Variants in NPR3 observed in about 807,000 individuals in gnomAD.
NPR3 encodes natriuretic peptide receptor 3.
A neutral mutation model predicts 54.5 loss-of-function variants in NPR3; 34 were observed. That is an observed-to-expected ratio of 0.62 (90% confidence interval 0.47 to 0.83). The LOEUF is 0.83. Ranked by LOEUF, NPR3 falls within the 40% of genes least tolerant of loss-of-function variation. The pLI is 0.00. For missense variants in NPR3, 674 were observed against 720.8 expected (o/e 0.94, Z 0.74); for synonymous variants, 289 against 297.1 (o/e 0.97, Z 0.28).
chr5:32,702,192 A>T (rs1561068231), intron 1 of NPR3, among the ~76,000 whole-genome samples: 1 of 152,142 alleles, frequency 6.6e-6, no homozygotes, highest in Non-Finnish European at 1.5e-5. Context: ...AAACCTTAGG[A>T]TCTACCTGGC....
chr5:32,700,196 G>T (rs1740631998), intron 1 of NPR3, among the ~76,000 whole-genome samples: 1 of 151,868 alleles, frequency 6.6e-6, no homozygotes, highest in South Asian at 2.1e-4. Flanking sequence ...AAATCTGCTT[G>T]GTGTTCTATA....
chr5:32,770,248 G>T, intron 3 of NPR3, among the ~76,000 whole-genome samples: 1 of 151,710 alleles, frequency 6.6e-6, no homozygotes, highest in Non-Finnish European at 1.5e-5. Flanking sequence ...TGGGCAACAT[G>T]GTGAAACCAC....
intron 2 of NPR3, among the ~76,000 whole-genome samples, chr5:32,734,180 T>C (rs1158684067): frequency 6.6e-6 from 1 of 152,104 alleles, no homozygotes; most frequent in Non-Finnish European, 1.5e-5. Flanking sequence ...CATGTGACAG[T>C]GGGTCGTTTG....
chr5:32,749,605 G>T (rs139531523), intron 3 of NPR3, among the ~76,000 whole-genome samples: 2,799 of 152,290 alleles, frequency 0.018, 41 homozygotes, highest in Middle Eastern at 0.037. Context: ...ATCTTAGGTT[G>T]TTCAGTTTCA....
rs200834122 is a variant in NPR3, at chr5:32,763,461, C to T, written c.1060-11247C>T. On this transcript the variant is annotated intron_variant, in intron 3 of 7. Transcript: ENST00000265074. ...CTTCATTCTCCCTAGTAGCAATGGC[C>T]ACCTCGCTCAGCTAATTTTTTTTTT... is the stretch of plus-strand genomic sequence containing the variant. Among the ~76,000 whole-genome samples the T allele has an allele frequency of 4.0e-5, 6 of 151,076 alleles. No homozygotes were observed. In the South Asian group the frequency reaches 8.5e-4, roughly 21 times the overall value.
intron 2 of NPR3, among the ~76,000 whole-genome samples, chr5:32,731,907 A>G (rs769232425): frequency 2.0e-5 from 3 of 152,086 alleles, no homozygotes; most frequent in Non-Finnish European, 2.9e-5. Context: ...CAGGAGTCCA[A>G]GCTGGTTCTG....
chr5:32,722,664 C>T (rs1297896816), intron 1 of NPR3, among the ~76,000 whole-genome samples: 4 of 152,184 alleles, frequency 2.6e-5, no homozygotes, highest in Non-Finnish European at 5.9e-5. Context: ...GAGACATCCA[C>T]TCTTGGAATC....
intron 3 of NPR3, among the ~76,000 whole-genome samples, chr5:32,771,680 C>T (rs147884338): frequency 4.6e-5 from 7 of 152,144 alleles, no homozygotes; most frequent in South Asian, 4.2e-4. Flanking sequence ...GGGTGATGCC[C>T]GGTGGCTGGT....
intron 1 of NPR3, among the ~76,000 whole-genome samples, chr5:32,704,176 C>T (rs1442610114): frequency 1.3e-5 from 2 of 152,182 alleles, no homozygotes; most frequent in African/African-American, 4.8e-5. Flanking sequence ...TCATTGCACT[C>T]TGTCTCTCAA....
Position 32,769,434 on chromosome 5 carries a change from T to C in NPR3, c.1060-5274T>C, listed in dbSNP as rs543553757. 3.9e-5 allele frequency among the ~76,000 whole-genome samples: 6 copies of C among 152,280 alleles called. No homozygotes were observed. In the South Asian group the frequency reaches 1.2e-3, roughly 32 times the overall value. ...AAGGTGGTCCAGCCATTGTTCACTATGATGAGGGACAAGCCTATGATGGGC... is the reference window on the plus strand; with the variant it reads ...AAGGTGGTCCAGCCATTGTTCACTACGATGAGGGACAAGCCTATGATGGGC... On this transcript the variant is annotated intron_variant, in intron 3 of 7. Coordinates refer to ENST00000265074, the MANE Select transcript of NPR3 (RefSeq NM_001204375.2).
intron 2 of NPR3, among the ~76,000 whole-genome samples, chr5:32,728,829 G>GTATA (rs1456034881): frequency 8.4e-4 from 64 of 76,132 alleles, no homozygotes; most frequent in East Asian, 1.2e-3. Context: ...GTGTGTGTGT[G>GTATA]TGTGTGTGTA....
At position 32,756,792 on chromosome 5, in the gene NPR3, G is replaced by A. The variant is rs532524535; in HGVS notation, c.1059+17762G>A. ...AATTAATTTTTGTATAAGGTGTAAG[G>A]AAGTGATCCAGTTTCAGCTTTCTAC... On this transcript the variant is annotated intron_variant, in intron 3 of 7. Coordinates refer to ENST00000265074, the MANE Select transcript of NPR3 (RefSeq NM_001204375.2). Among the ~76,000 whole-genome samples the A allele has an allele frequency of 7.2e-5, 11 of 152,308 alleles. No individual in the cohort carries two copies. In the South Asian group the frequency reaches 2.3e-3, roughly 32 times the overall value.
chr5:32,707,996 T>TA (rs58410343), upstream of NPR3, among the ~76,000 whole-genome samples: 573 of 131,448 alleles, frequency 4.4e-3, 2 homozygotes, highest in Middle Eastern at 0.042. Context: ...GTAGTAGCTT[T>TA]AAAAAAAAAA....
chr5:32,772,773 A>C (rs887948456), intron 3 of NPR3, among the ~76,000 whole-genome samples: 3 of 150,688 alleles, frequency 2.0e-5, no homozygotes, highest in Admixed American at 1.3e-4. Context: ...AGTCTTCTAC[A>C]TTTATTAATT....
intron 3 of NPR3, among the ~76,000 whole-genome samples, chr5:32,753,727 G>GA (rs2111989078): frequency 6.6e-6 from 1 of 150,482 alleles, no homozygotes; most frequent in African/African-American, 2.5e-5. Context: ...GCATTTAAAG[G>GA]AGGAACCTGG....
chr5:32,766,943 A>G (rs909219880), intron 3 of NPR3, among the ~76,000 whole-genome samples: 3 of 152,202 alleles, frequency 2.0e-5, no homozygotes, highest in African/African-American at 7.2e-5. Flanking sequence ...AGGGACAATT[A>G]GCTTGTTGTC....
In NPR3 at chr5:32,784,897, G is replaced by A. The variant is rs1296236284; in HGVS notation, c.1514+14G>A. ...CTACTTTTTCAGGTGAGGACGGTTTGTAAAGGTACAATTCACTCTCTTCTG... is the reference window on the plus strand; with the variant it reads ...CTACTTTTTCAGGTGAGGACGGTTTATAAAGGTACAATTCACTCTCTTCTG... On this transcript the variant is annotated intron_variant, in intron 7 of 7. Transcript: ENST00000265074. 3.8e-6 allele frequency: 6 copies of A among 1,583,078 alleles called. No homozygotes were observed. The highest frequency in any genetic ancestry group is 5.2e-6 in the Non-Finnish European group (6 of 1,151,994).
chr5:32,741,171 C>A (rs1436452639), intron 3 of NPR3, among the ~76,000 whole-genome samples: 1 of 152,032 alleles, frequency 6.6e-6, no homozygotes, highest in Non-Finnish European at 1.5e-5. Context: ...GTAATCCCAG[C>A]ACTTTGGGAG....
intron 1 of NPR3, among the ~76,000 whole-genome samples, chr5:32,700,290 C>T (rs1019915343): frequency 6.6e-5 from 10 of 152,160 alleles, no homozygotes; most frequent in African/African-American, 1.9e-4. Flanking sequence ...CTTTCTGCTG[C>T]GTCACTCTCT....
Sources: gnomAD v4.1 joint callset for allele counts (sites outside exome capture counted in the v4.1 genomes callset) on GRCh38, gnomAD v4.1.1 for gene constraint, MANE v1.5 for transcripts, NCBI Gene and HGNC (gene_info 2026-07-23, HGNC 2026-07-21) for gene names.